Variants in DLG2 observed in about 807,000 individuals in gnomAD.
The protein encoded by DLG2 is disks large homolog 2.
In DLG2, 45 loss-of-function variants were observed where a neutral mutation model predicts 132.5. The observed-to-expected ratio is 0.34, with a 90% confidence interval of 0.27 to 0.44. DLG2 has a LOEUF of 0.44. Ranked by LOEUF, DLG2 falls within the 20% of genes least tolerant of loss-of-function variation. The pLI is 1.00. For synonymous variants in DLG2, 424 were observed against 419.6 expected, an observed-to-expected ratio of 1.01 and a Z score of -0.13; for missense variants, 1,045 against 1,196.9, an observed-to-expected ratio of 0.87 and a Z score of 1.87.
intron 9 of DLG2, among the ~76,000 whole-genome samples, chr11:84,121,515 T>C (rs998448136): frequency 6.6e-6 from 1 of 151,498 alleles, no homozygotes; most frequent in Non-Finnish European, 1.5e-5. Flanking sequence ...CTCATATATG[T>C]TTACTCTCAC....
chr11:84,623,457 T>C (rs1045405141), intron 6 of DLG2, among the ~76,000 whole-genome samples: 10 of 152,322 alleles, frequency 6.6e-5, no homozygotes, highest in African/African-American at 1.9e-4. Context: ...TAACACTTTA[T>C]AGCTTATGGA....
At chr11:85,004,186 G>T (rs995898353) in intron 6 of DLG2, among the ~76,000 whole-genome samples, 1 of 152,124 alleles carries the variant, frequency 6.6e-6, no homozygotes, top group Non-Finnish European at 1.5e-5. Flanking sequence ...ACATACATGT[G>T]CACGTGTCTT....
intron 18 of DLG2, among the ~76,000 whole-genome samples, chr11:83,747,250 A>G (rs2092974561): frequency 6.6e-6 from 1 of 151,592 alleles, no homozygotes; most frequent in Non-Finnish European, 1.5e-5. Flanking sequence ...TAATATTGTA[A>G]GTTTGATTTT....
chr11:83,810,778 T>C (rs1263585514), intron 17 of DLG2, among the ~76,000 whole-genome samples: 2 of 152,128 alleles, frequency 1.3e-5, no homozygotes, highest in African/African-American at 4.8e-5. Context: ...ATTTGTGATT[T>C]ACTATGTTTA....
At chr11:84,141,027 C>A (rs573399529) in intron 9 of DLG2, among the ~76,000 whole-genome samples, 17 of 152,110 alleles carry the variant, frequency 1.1e-4, no homozygotes, top group African/African-American at 3.4e-4. Context: ...ATGTAACATG[C>A]TTATTGTTAA....
Position 85,287,580 on chromosome 11 carries a change from AG to A in DLG2, c.41-2216del, listed in dbSNP as rs549761664. ...ATTCCTAGCAAGTGCAAATTGCTAT[AG>A]CCACTTCAGAAAATAATTTAACATT... On this transcript the variant is annotated intron_variant, in intron 3 of 27. Coordinates refer to ENST00000376104, the MANE Select transcript of DLG2 (RefSeq NM_001142699.3). Among the ~76,000 whole-genome samples, 21 of 152,256 alleles carry A rather than the reference AG, an allele frequency of 1.4e-4. 1 individual carries two copies. The highest frequency in any genetic ancestry group is 4.1e-4 in the African/African-American group (17 of 41,580).
chr11:84,729,696 C>T (rs1336911285), intron 6 of DLG2, among the ~76,000 whole-genome samples: 3 of 152,014 alleles, frequency 2.0e-5, no homozygotes, highest in Non-Finnish European at 4.4e-5. Flanking sequence ...AGAATGTTTG[C>T]ATGACCTTGA....
intron 3 of DLG2, among the ~76,000 whole-genome samples, chr11:85,521,057 A>G (rs1565628177): frequency 6.6e-6 from 1 of 152,230 alleles, no homozygotes; most frequent in Non-Finnish European, 1.5e-5. Context: ...CAAAGAAACT[A>G]ATAAACAAAG....
At chr11:84,294,109 T>C (rs902119383) in intron 7 of DLG2, among the ~76,000 whole-genome samples, 1 of 152,208 alleles carries the variant, frequency 6.6e-6, no homozygotes, top group Non-Finnish European at 1.5e-5. Flanking sequence ...AGGTAAGTTC[T>C]AGAAGATACA....
chr11:84,518,532 T>C (rs2099280453), intron 7 of DLG2, among the ~76,000 whole-genome samples: 1 of 152,074 alleles, frequency 6.6e-6, no homozygotes, highest in South Asian at 2.1e-4. Flanking sequence ...ACAAACTTCC[T>C]CATCAATTCC....
At chr11:83,882,368 G>A (rs776043358) in intron 15 of DLG2, among the ~76,000 whole-genome samples, 1 of 152,200 alleles carries the variant, frequency 6.6e-6, no homozygotes, top group African/African-American at 2.4e-5. Flanking sequence ...ATGATAATTT[G>A]CTTAAAGTTA....
At chr11:83,598,068 C>G (rs1213073932) in intron 19 of DLG2, among the ~76,000 whole-genome samples, 1 of 152,158 alleles carries the variant, frequency 6.6e-6, no homozygotes, top group East Asian at 1.9e-4. Flanking sequence ...ACTAGGTTGC[C>G]TGGTTGATTT....
intron 6 of DLG2, among the ~76,000 whole-genome samples, chr11:84,922,822 C>G (rs565224835): frequency 6.6e-6 from 1 of 150,586 alleles, no homozygotes; most frequent in Admixed American, 6.6e-5. Flanking sequence ...TTCTTCCCCC[C>G]TCTCCACCCC....
In DLG2 at chr11:84,366,149, G is replaced by C. The variant is rs1316070296; in HGVS notation, c.520-114858C>G. Among the ~76,000 whole-genome samples the C allele has an allele frequency of 2.6e-5, 4 of 151,864 alleles. No homozygotes were observed. In the South Asian group the frequency reaches 8.3e-4, roughly 32 times the overall value. The stretch of plus-strand genomic sequence containing the variant: ...ACTCTACAAGCCAGAAGAGAGTGGG[G>C]GCCAATATTCAACATTCTTAAAGAA... On this transcript the variant is annotated intron_variant, in intron 7 of 27. Coordinates refer to ENST00000376104, the MANE Select transcript of DLG2 (RefSeq NM_001142699.3).
intron 6 of DLG2, among the ~76,000 whole-genome samples, chr11:84,904,520 T>C (rs534628490): frequency 2.4e-4 from 37 of 152,366 alleles, no homozygotes; most frequent in African/African-American, 8.7e-4. Flanking sequence ...GCTTTCCTAC[T>C]GTCACACATT....
intron 3 of DLG2, among the ~76,000 whole-genome samples, chr11:85,515,263 A>T (rs368174555): frequency 8.4e-4 from 128 of 151,978 alleles, no homozygotes; most frequent in Non-Finnish European, 1.8e-3. Context: ...TATACGACAC[A>T]GTAAATTAAT....
chr11:85,133,706 G>T (rs2075917000), intron 5 of DLG2, among the ~76,000 whole-genome samples: 1 of 152,120 alleles, frequency 6.6e-6, no homozygotes, highest in South Asian at 2.1e-4. Context: ...CACATTCTGA[G>T]TGAAAAAATG....
At chr11:84,687,910 A>G (rs1207035833) in intron 6 of DLG2, among the ~76,000 whole-genome samples, 1 of 152,170 alleles carries the variant, frequency 6.6e-6, no homozygotes. Context: ...GAGGGATTTC[A>G]GATGCAAATA....
chr11:83,816,944 C>T (rs1245257973), intron 17 of DLG2, among the ~76,000 whole-genome samples: 2 of 151,450 alleles, frequency 1.3e-5, no homozygotes, highest in Admixed American at 1.3e-4. Context: ...AGGGACAGTA[C>T]CTAACATTGT....
Sources: gnomAD v4.1 joint callset for allele counts (sites outside exome capture counted in the v4.1 genomes callset) on GRCh38, gnomAD v4.1.1 for gene constraint, MANE v1.5 for transcripts, NCBI Gene and HGNC (gene_info 2026-07-23, HGNC 2026-07-21) for gene names.